Variants in SLC30A6 observed in about 807,000 individuals in gnomAD.
The protein encoded by SLC30A6 is zinc transporter 6.
In SLC30A6, 55 loss-of-function variants were observed where a neutral mutation model predicts 63.0. The ratio of observed to expected loss-of-function variants is 0.87; its 90% CI spans 0.70 to 1.09. SLC30A6 has a LOEUF of 1.09. Ranked by LOEUF, SLC30A6 falls within the 50% of genes least tolerant of loss-of-function variation. The pLI is 0.00. For missense variants in SLC30A6, 587 were observed against 549.2 expected (o/e 1.07, Z -0.69); for synonymous variants, 224 against 186.1 (o/e 1.20, Z -1.66).
At chr2:32,184,839 C>A (rs1039291301) in intron 5 of SLC30A6, among the ~76,000 whole-genome samples, 2 of 152,122 alleles carry the variant, frequency 1.3e-5, no homozygotes, top group Non-Finnish European at 1.5e-5. Context: ...AAAATGTTCA[C>A]ATTAAGTTTT....
intron 2 of SLC30A6, among the ~76,000 whole-genome samples, chr2:32,171,778 TGCCTCCC>T (rs1269343768): frequency 6.6e-6 from 1 of 152,018 alleles, no homozygotes; most frequent in Non-Finnish European, 1.5e-5. Flanking sequence ...CCGCAACCTC[TGCCTCCC>T]GGGTTCAAGC....
At chr2:32,173,746 G>A (rs1393298498) in intron 2 of SLC30A6, among the ~76,000 whole-genome samples, 3 of 152,056 alleles carry the variant, frequency 2.0e-5, no homozygotes, top group Admixed American at 1.3e-4. Flanking sequence ...TTGCTTCATC[G>A]TTGTCTCTAT....
At chr2:32,218,078 T>C (rs1197354344) in intron 13 of SLC30A6, among the ~76,000 whole-genome samples, 2 of 152,044 alleles carry the variant, frequency 1.3e-5, no homozygotes, top group African/African-American at 4.8e-5. Flanking sequence ...TGTGTGTGTG[T>C]GTTTGTGTTA....
intron 4 of SLC30A6, among the ~76,000 whole-genome samples, chr2:32,183,727 A>G (rs1682558084): frequency 6.6e-6 from 1 of 151,392 alleles, no homozygotes; most frequent in Non-Finnish European, 1.5e-5. Context: ...TTAATCAGGT[A>G]ACTAACATAT....
chr2:32,184,373 T>A, intron 5 of SLC30A6, 35 bp downstream of exon 5: 1 of 1,244,148 alleles, frequency 8.0e-7, no homozygotes, highest in Non-Finnish European at 1.1e-6. Flanking sequence ...TGCTAACTTA[T>A]GACTACTAAA....
intron 10 of SLC30A6, chr2:32,203,061 G>A: frequency 2.3e-6 from 3 of 1,286,126 alleles, no homozygotes; most frequent in African/African-American, 1.5e-5. Flanking sequence ...TTTACATGGG[G>A]ACATTGCACA....
intron 13 of SLC30A6, among the ~76,000 whole-genome samples, chr2:32,214,947 G>T (rs1573428227): frequency 6.6e-6 from 1 of 152,124 alleles, no homozygotes; most frequent in Non-Finnish European, 1.5e-5. Context: ...GCTTGTCTTA[G>T]CTAAAAGTAA....
chr2:32,195,180 A>C (rs1441983222), intron 8 of SLC30A6, among the ~76,000 whole-genome samples: 2 of 149,400 alleles, frequency 1.3e-5, no homozygotes, highest in East Asian at 1.9e-4. Flanking sequence ...GCTCACTGCA[A>C]CCTCTGCCTC....
chr2:32,217,026 C>T lies in SLC30A6; in HGVS notation c.886-3187C>T, dbSNP rs547488499. On this transcript the variant is annotated intron_variant, in intron 13 of 13. Coordinates refer to ENST00000282587, the MANE Select transcript of SLC30A6 (RefSeq NM_017964.5). ...TTCTCAGCCTCCCAAGTAGCTGAAA[C>T]TGCAGGCATTTGCCACCACGCCCGG... Among the ~76,000 whole-genome samples, 6 of 151,722 alleles carry T rather than the reference C, an allele frequency of 4.0e-5. No individual in the cohort carries two copies. The South Asian group carries it at 1.0e-3, about 26-fold the overall frequency.
chr2:32,168,228 A>G (rs1680858447), intron 1 of SLC30A6, among the ~76,000 whole-genome samples: 1 of 152,032 alleles, frequency 6.6e-6, no homozygotes, highest in Non-Finnish European at 1.5e-5. Flanking sequence ...ATACAAATAA[A>G]ACGTCTGTTT....
chr2:32,199,570 CTTGT>C (rs1684086406), intron 10 of SLC30A6, among the ~76,000 whole-genome samples: 2 of 152,016 alleles, frequency 1.3e-5, no homozygotes, highest in South Asian at 4.1e-4. Flanking sequence ...TAATTATGCT[CTTGT>C]TTATTTTAAA....
Position 32,184,285 on chromosome 2 carries a change from T to C in SLC30A6, c.231T>C (p.Cys77=). 3 of 1,544,828 alleles carry C rather than the reference T, an allele frequency of 1.9e-6. No homozygotes were observed. Among genetic ancestry groups the C allele is most frequent in the South Asian group, 1.3e-5 (1 of 79,254 alleles). Reference sequence around the variant, plus strand: ...TCTTTTTACTTAGTTTAATGACATGTTTAATAAGTTACTGGGTAACATTGA... The same window carrying C: ...TCTTTTTACTTAGTTTAATGACATGCTTAATAAGTTACTGGGTAACATTGA... ...TIFDLFSLMT[C]LISYWVTLRK... The change falls in exon 5 of 14, where the codon TGT becomes TGC. Residue 77 remains cysteine, a synonymous_variant. Transcript: ENST00000282587.
At chr2:32,169,751 T>C (rs974447969) in intron 1 of SLC30A6, among the ~76,000 whole-genome samples, 1 of 152,162 alleles carries the variant, frequency 6.6e-6, no homozygotes, top group African/African-American at 2.4e-5. Context: ...ACTGTCCTCC[T>C]CAAAAGCAGC....
chr2:32,207,853 AC>A (rs895985181), intron 12 of SLC30A6, among the ~76,000 whole-genome samples: 4 of 140,662 alleles, frequency 2.8e-5, no homozygotes, highest in African/African-American at 1.1e-4. Flanking sequence ...GGCGCCCACC[AC>A]ATGCCTGGCT....
intron 13 of SLC30A6, among the ~76,000 whole-genome samples, chr2:32,215,297 C>CCAT (rs1408271770): frequency 6.6e-6 from 1 of 151,976 alleles, no homozygotes; most frequent in East Asian, 1.9e-4. Flanking sequence ...TGGGCTCAAG[C>CCAT]CATCCTCACA....
intron 4 of SLC30A6, among the ~76,000 whole-genome samples, chr2:32,178,519 A>G (rs1681995683): frequency 6.6e-6 from 1 of 152,088 alleles, no homozygotes; most frequent in African/African-American, 2.4e-5. Flanking sequence ...ACTAAAATAC[A>G]AAAATGAGCC....
chr2:32,203,312 C>T (rs1684460108), intron 10 of SLC30A6: 3 of 925,268 alleles, frequency 3.2e-6, no homozygotes, highest in Non-Finnish European at 5.4e-6. Context: ...ATATGTGGAA[C>T]AAAAAGTAGG....
Position 32,197,372 on chromosome 2 carries a change from T to C in SLC30A6, c.525T>C (p.His175=). ...CTAGTACGAGCTGGCTTCAAGAGCA[T>C]GTTGCAGATCTTAGTCGAAGGTAAG... ...EAASTSWLQE[H]VADLSRSLCG... The change falls in exon 9 of 14, where the codon CAT becomes CAC. Residue 175 remains histidine (H), a synonymous_variant. Transcript: ENST00000282587. The C allele has an allele frequency of 1.2e-6, 2 of 1,613,782 alleles. No individual in the cohort carries two copies. Among genetic ancestry groups the C allele is most frequent in the Non-Finnish European group, 1.7e-6 (2 of 1,179,804 alleles).
intron 5 of SLC30A6, among the ~76,000 whole-genome samples, chr2:32,185,590 T>C (rs906308116): frequency 4.6e-5 from 7 of 152,154 alleles, no homozygotes; most frequent in African/African-American, 1.7e-4. Flanking sequence ...ATTGGGACTA[T>C]ATTCTTTTGA....
Sources: allele counts gnomAD v4.1 joint callset (sites outside exome capture counted in the v4.1 genomes callset), GRCh38; gene constraint gnomAD v4.1.1; transcripts MANE v1.5; gene names NCBI Gene and HGNC (gene_info 2026-07-23, HGNC 2026-07-21).